The following TEX11 variants were observed in gnomAD, a reference collection of about 807,000 sequenced individuals.
TEX11 encodes testis-expressed protein 11.
A neutral mutation model predicts 84.4 loss-of-function variants in TEX11; 7 were observed. That is an observed-to-expected ratio of 0.08 (90% CI 0.05 to 0.16). The LOEUF (loss-of-function observed/expected upper bound fraction) is 0.16, where lower values mean the gene tolerates loss of function less well. Among genes scored for constraint, TEX11 ranks in the 10% least tolerant of loss-of-function variants. The pLI, the probability that TEX11 is intolerant of heterozygous loss-of-function variation, is 1.00. For missense variants in TEX11, 551 were observed against 660.5 expected (o/e 0.83, Z 1.82); for synonymous variants, 264 against 222.8 (o/e 1.18, Z -1.64).
intron 20 of TEX11, among the ~76,000 whole-genome samples, chrX:70,613,520 T>C (rs1275855115): frequency 8.9e-6 from 1 of 112,010 alleles, no homozygotes; most frequent in Non-Finnish European, 1.9e-5. Flanking sequence ...CTGTAGCAAG[T>C]GGGGAATCTC....
At chrX:70,542,291 T>C (rs2088055841) in intron 28 of TEX11, among the ~76,000 whole-genome samples, 1 of 111,270 alleles carries the variant, frequency 9.0e-6, no homozygotes, top group Admixed American at 9.6e-5. Context: ...GGACCGTCTA[T>C]GGGGAAGCAG....
intron 17 of TEX11, among the ~76,000 whole-genome samples, chrX:70,649,398 A>G (rs2089785722): frequency 8.9e-6 from 1 of 112,021 alleles, no homozygotes; most frequent in Admixed American, 9.5e-5. Flanking sequence ...TGACTTTTTA[A>G]TAATCTCCCA....
chrX:70,731,769 T>C (rs113446078), intron 11 of TEX11, among the ~76,000 whole-genome samples: 3,076 of 97,800 alleles, frequency 0.031, 101 homozygotes, highest in African/African-American at 0.11. Context: ...ATTCCAATCA[T>C]AGAAAAAGAG....
At chrX:70,567,106 T>C (rs915729881) in intron 25 of TEX11, among the ~76,000 whole-genome samples, 1 of 111,531 alleles carries the variant, frequency 9.0e-6, no homozygotes, top group African/African-American at 3.3e-5. Flanking sequence ...TATTCAGTGA[T>C]TCAACTTCTT....
chrX:70,751,077 A>T (rs1374836564), intron 9 of TEX11, among the ~76,000 whole-genome samples: 23 of 102,910 alleles, frequency 2.2e-4, no homozygotes, highest in African/African-American at 4.5e-4. Flanking sequence ...GTGTGGCGAT[A>T]CCTCAAGGAT....
At chrX:70,763,189 G>A (rs1370762976) in intron 9 of TEX11, among the ~76,000 whole-genome samples, 2 of 111,912 alleles carry the variant, frequency 1.8e-5, no homozygotes, top group Non-Finnish European at 3.8e-5. Context: ...AAAAAATATG[G>A]AGCCAACCTA....
Position 70,903,979 on chromosome X carries a change from C to CT in TEX11, c.37+3773dup, listed in dbSNP as rs34397286. ...TACAGGCATGCAACACCACATCCAG[C>CT]TTTTTTTTTTTTTTTTTTTTTTTTG... On this transcript the variant is annotated intron_variant, in intron 2 of 29. Transcript: ENST00000374333. Among the ~76,000 whole-genome samples, 125 of 29,916 alleles carry CT rather than the reference C, an allele frequency of 4.2e-3. 1 individual carries two copies. Among genetic ancestry groups the CT allele is most frequent in the African/African-American group, 6.9e-3 (62 of 9,034 alleles). The allele number at this position is 29,916 out of a possible 115,157, so 26.0% of individuals were successfully genotyped here.
chrX:70,704,055 T>C (rs1332323088), intron 13 of TEX11, among the ~76,000 whole-genome samples: 3 of 110,066 alleles, frequency 2.7e-5, no homozygotes, highest in Non-Finnish European at 5.7e-5. Context: ...TCTCACGAGA[T>C]CTGGTCATTT....
intron 25 of TEX11, among the ~76,000 whole-genome samples, chrX:70,563,418 C>T (rs180961837): frequency 3.9e-4 from 43 of 111,618 alleles, no homozygotes; most frequent in Non-Finnish European, 5.6e-4. Flanking sequence ...CTTTGGAAAC[C>T]GTCTTAAAGC....
At chrX:70,779,414 CAAAAA>C (rs1401892562) in intron 9 of TEX11, among the ~76,000 whole-genome samples, 1 of 42,505 alleles carries the variant, frequency 2.4e-5, no homozygotes, top group African/African-American at 8.5e-5. Flanking sequence ...GACCCCGTCT[CAAAAA>C]AAAAAAAAAA....
intron 9 of TEX11, among the ~76,000 whole-genome samples, chrX:70,759,524 CT>C (rs1339558451): frequency 8.9e-6 from 1 of 111,892 alleles, no homozygotes; most frequent in Non-Finnish European, 1.9e-5. Context: ...ATATGATTAT[CT>C]CAATAAATGC....
intron 5 of TEX11, among the ~76,000 whole-genome samples, chrX:70,859,885 G>A (rs967184402): frequency 5.5e-5 from 6 of 109,616 alleles, no homozygotes; most frequent in Admixed American, 9.8e-5. Flanking sequence ...GTGTGGTGGC[G>A]CATGCCTGTA....
chrX:70,644,071 A>T (rs1022089566), intron 17 of TEX11, among the ~76,000 whole-genome samples: 17 of 102,883 alleles, frequency 1.7e-4, no homozygotes, highest in Admixed American at 1.1e-4. Flanking sequence ...AAACAAATTT[A>T]CAAGAAAAAA....
intron 25 of TEX11, among the ~76,000 whole-genome samples, chrX:70,588,393 C>T (rs772136040): frequency 9.0e-6 from 1 of 111,399 alleles, no homozygotes; most frequent in Non-Finnish European, 1.9e-5. Flanking sequence ...TTGCCCTTCT[C>T]GTGATAGTGA....
At chrX:70,664,690 G>A (rs1204339212) in intron 16 of TEX11, among the ~76,000 whole-genome samples, 4 of 109,958 alleles carry the variant, frequency 3.6e-5, no homozygotes, top group Non-Finnish European at 5.7e-5. Context: ...CACAGATTAG[G>A]CATTTAATAT....
intron 20 of TEX11, among the ~76,000 whole-genome samples, chrX:70,614,895 G>A (rs764205815): frequency 9.0e-6 from 1 of 111,220 alleles, no homozygotes. Flanking sequence ...GAGAACAAGA[G>A]TTTCTGCTTG....
At chrX:70,619,249 T>G (rs1346219241) in intron 20 of TEX11, among the ~76,000 whole-genome samples, 6 of 112,048 alleles carry the variant, frequency 5.4e-5, no homozygotes, top group Non-Finnish European at 1.1e-4. Context: ...TAAATCTTTA[T>G]GTCAGAATTC....
At position 70,652,871 on chromosome X, in the gene TEX11, G is replaced by A. The variant is rs762067920; in HGVS notation, c.1381-1319C>T. Reference sequence around the variant, plus strand: ...TAAGAAAGGATTCTATACTTTCTAGGATAGCCACTAAAAGATTAGAAGCAG... The same window carrying A: ...TAAGAAAGGATTCTATACTTTCTAGAATAGCCACTAAAAGATTAGAAGCAG... On this transcript the variant is annotated intron_variant, in intron 16 of 29. Coordinates refer to ENST00000374333, the MANE Select transcript of TEX11 (RefSeq NM_031276.3). Among the ~76,000 whole-genome samples the A allele has an allele frequency of 3.6e-5, 4 of 110,950 alleles. No homozygotes were observed. The South Asian group carries it at 1.5e-3, about 42-fold the overall frequency.
Position 70,759,623 on chromosome X carries a change from A to C in TEX11, c.693-15404T>G, listed in dbSNP as rs754046391. ...TTGATGGAACATATCTCAAAATAAT[A>C]AGAGCTATTTATGACGAACCCACAG... On this transcript the variant is annotated intron_variant, in intron 9 of 29. Transcript: ENST00000374333. Among the ~76,000 whole-genome samples the C allele has an allele frequency of 7.3e-3, 819 of 111,671 alleles. 11 individuals are homozygous for C. Among genetic ancestry groups the C allele is most frequent in the South Asian group, 0.011 (28 of 2,657 alleles).
Sources: allele counts gnomAD v4.1 joint callset (sites outside exome capture counted in the v4.1 genomes callset), GRCh38; gene constraint gnomAD v4.1.1; transcripts MANE v1.5; gene names NCBI Gene and HGNC (gene_info 2026-07-23, HGNC 2026-07-21).